The following MARCHF4 variants were observed in gnomAD, a reference collection of about 807,000 sequenced individuals.
MARCHF4 encodes E3 ubiquitin-protein ligase MARCHF4.
MARCHF4 carries 14 observed loss-of-function variants against 43.9 expected under a neutral mutation model. The ratio of observed to expected loss-of-function variants is 0.32; its 90% CI spans 0.21 to 0.50. The LOEUF is 0.50. Among genes scored for constraint, MARCHF4 ranks in the 20% least tolerant of loss-of-function variants. The pLI is 0.98. For missense variants in MARCHF4, 468 were observed against 536.7 expected (o/e 0.87, Z 1.27); for synonymous variants, 226 against 213.3 (o/e 1.06, Z -0.52).
At position 216,258,344 on chromosome 2, in the gene MARCHF4, T is replaced by A. The variant is rs1426320741; in HGVS notation, c.*968A>T. 3 of 152,544 alleles carry A rather than the reference T, an allele frequency of 2.0e-5. No individual in the cohort carries two copies. The East Asian group carries it at 5.8e-4, about 29-fold the overall frequency. The allele number at this position is 152,544 out of a possible 1,614,324, so 9.4% of individuals were successfully genotyped here. On this transcript the variant is annotated 3_prime_UTR_variant, in exon 4 of 4. Coordinates refer to ENST00000273067, the MANE Select transcript of MARCHF4 (RefSeq NM_020814.3). The stretch of plus-strand genomic sequence containing the variant: ...CCCTACCGTGAGGGGACTGGGTCTG[T>A]GCATGTGCCAAGACAAGAAGGGGCT...
chr2:216,342,986 A>G (rs960892083), intron 1 of MARCHF4, among the ~76,000 whole-genome samples: 2 of 152,148 alleles, frequency 1.3e-5, no homozygotes, highest in African/African-American at 4.8e-5. Context: ...CTGAGGAAGA[A>G]GCATGGGGAC....
intron 1 of MARCHF4, among the ~76,000 whole-genome samples, chr2:216,293,358 A>C (rs1396514940): frequency 6.6e-6 from 1 of 152,200 alleles, no homozygotes; most frequent in African/African-American, 2.4e-5. Context: ...AGATAATTTG[A>C]TTAAAAAAAG....
In MARCHF4 at chr2:216,259,560, C is replaced by G. The variant is rs1400485049; in HGVS notation, c.985G>C (p.Gly329Arg). The change falls in exon 4 of 4, where the codon GGA becomes CGA. Residue 329 changes from glycine to arginine, a missense_variant. Coordinates refer to ENST00000273067, the MANE Select transcript of MARCHF4 (RefSeq NM_020814.3). ...KTKDLEDQKA[G>R]GRTNPRTSSS... ...GAGGTCCGGGGGTTGGTCCTGCCTCCTGCCTTTTGATCCTCCAGGTCTTTT... is the reference window on the plus strand; with the variant it reads ...GAGGTCCGGGGGTTGGTCCTGCCTCGTGCCTTTTGATCCTCCAGGTCTTTT... The G allele has an allele frequency of 5.0e-6, 8 of 1,614,200 alleles. No homozygotes were observed. Among genetic ancestry groups the G allele is most frequent in the Non-Finnish European group, 6.8e-6 (8 of 1,180,022 alleles).
In MARCHF4 at chr2:216,354,967, CTTTCTTT is replaced by C. The variant is rs1559106703; in HGVS notation, c.516+14771_516+14777del. ...TCTTTCTTTCTTTCTTTCTTTCTTT[CTTTCTTT>C]CTTTCTTTCTTTTTTGAGACAGAGT... On this transcript the variant is annotated intron_variant, in intron 1 of 3. Coordinates refer to ENST00000273067, the MANE Select transcript of MARCHF4 (RefSeq NM_020814.3). Among the ~76,000 whole-genome samples the C allele has an allele frequency of 2.5e-5, 3 of 121,580 alleles. No individual in the cohort carries two copies. The East Asian group carries it at 7.6e-4, about 31-fold the overall frequency. The allele number at this position is 121,580 out of a possible 152,430, so 79.8% of individuals were successfully genotyped here.
chr2:216,303,142 T>C (rs949320375), intron 1 of MARCHF4, among the ~76,000 whole-genome samples: 2 of 152,128 alleles, frequency 1.3e-5, no homozygotes, highest in African/African-American at 2.4e-5. Context: ...ATGCACAGTG[T>C]TCTCTCCAAA....
At chr2:216,265,125 C>T (rs894123750) in intron 3 of MARCHF4, among the ~76,000 whole-genome samples, 4 of 151,942 alleles carry the variant, frequency 2.6e-5, no homozygotes, top group East Asian at 3.9e-4. Flanking sequence ...AGACTGGATT[C>T]GATTGGGAAG....
intron 1 of MARCHF4, among the ~76,000 whole-genome samples, chr2:216,349,356 C>T (rs1044677163): frequency 5.3e-5 from 8 of 152,256 alleles, no homozygotes; most frequent in Non-Finnish European, 1.2e-4. Flanking sequence ...TAATTGGCTT[C>T]GATTGTGGTA....
chr2:216,345,360 T>A lies in MARCHF4; in HGVS notation c.516+24385A>T, dbSNP rs181758439. ...TTATACCCTGATTTTTTTTTTTTTT[T>A]AAGAATCTTGCCTCGAGGCTTTCCA... is the stretch of plus-strand genomic sequence containing the variant. On this transcript the variant is annotated intron_variant, in intron 1 of 3. Transcript: ENST00000273067. Among the ~76,000 whole-genome samples, 405 of 151,104 alleles carry A rather than the reference T, an allele frequency of 2.7e-3. 4 individuals carry two copies. Among genetic ancestry groups the A allele is most frequent in the African/African-American group, 9.7e-3 (392 of 40,562 alleles).
Position 216,370,569 on chromosome 2 carries a change from G to T in MARCHF4, c.-309C>A. On this transcript the variant is annotated 5_prime_UTR_variant, in exon 1 of 4. Coordinates refer to ENST00000273067, the MANE Select transcript of MARCHF4 (RefSeq NM_020814.3). ...GCTTTTGACCTGAGGACACTGGTAG[G>T]AGCAGAGGGATTGAAGAAGCGTGGT... is the stretch of plus-strand genomic sequence containing the variant. The T allele has an allele frequency of 3.5e-6, 1 of 287,028 alleles. No individual in the cohort carries two copies. The highest frequency in any genetic ancestry group is 6.4e-6 in the Non-Finnish European group (1 of 155,236). 17.8% of individuals were successfully genotyped at this position (287,028 alleles called of 1,614,324 possible).
At chr2:216,345,955 G>A (rs896958211) in intron 1 of MARCHF4, among the ~76,000 whole-genome samples, 5 of 152,132 alleles carry the variant, frequency 3.3e-5, no homozygotes, top group Non-Finnish European at 7.3e-5. Flanking sequence ...AAGAGCTGAT[G>A]TCTGCTTTTC....
chr2:216,311,337 A>C (rs1197265286), intron 1 of MARCHF4, among the ~76,000 whole-genome samples: 1 of 152,046 alleles, frequency 6.6e-6, no homozygotes, highest in Non-Finnish European at 1.5e-5. Context: ...AGCTCACTGC[A>C]ACCTCCGCCT....
intron 2 of MARCHF4, among the ~76,000 whole-genome samples, chr2:216,282,875 T>C (rs1002812774): frequency 2.6e-4 from 40 of 152,342 alleles, no homozygotes; most frequent in Middle Eastern, 3.4e-3. Context: ...TATTCCCATT[T>C]TTCTCTGCCT....
intron 1 of MARCHF4, among the ~76,000 whole-genome samples, chr2:216,366,466 C>T (rs977491452): frequency 6.6e-6 from 1 of 152,164 alleles, no homozygotes; most frequent in African/African-American, 2.4e-5. Flanking sequence ...TAGGATGGAG[C>T]CAAGTAGGTT....
Position 216,369,812 on chromosome 2 carries a change from A to G in MARCHF4, c.449T>C (p.Leu150Pro), listed in dbSNP as rs748620001. 4.5e-5 allele frequency: 73 copies of G among 1,613,584 alleles called. No homozygotes were observed. The Admixed American group carries it at 7.2e-4, about 16-fold the overall frequency. Residue 150 changes from leucine to proline, a missense_variant, in exon 1 of 4, where the codon CTG becomes CCG. By Grantham distance (98) the Leu-to-Pro change is moderately conservative (BLOSUM62 -3). Transcript: ENST00000273067. ...CKEKTEDRYS[L>P]GSSLDSGMRT... ...CATACCACTGTCCAAGCTGCTGCCCAGTGAGTAGCGATCCTCGGTCTTCTC... is the reference window on the plus strand; with the variant it reads ...CATACCACTGTCCAAGCTGCTGCCCGGTGAGTAGCGATCCTCGGTCTTCTC...
Position 216,311,633 on chromosome 2 carries a change from T to A in MARCHF4, c.517-27904A>T, listed in dbSNP as rs188170600. On this transcript the variant is annotated intron_variant, in intron 1 of 3. Transcript: ENST00000273067. ...TTAATAGACAACCACAGTTTGAACATTTTTAGTAAAAATTTATAGAAATAA... is the reference window on the plus strand; with the variant it reads ...TTAATAGACAACCACAGTTTGAACAATTTTAGTAAAAATTTATAGAAATAA... Among the ~76,000 whole-genome samples the A allele has an allele frequency of 8.8e-3, 1,343 of 152,302 alleles. 16 individuals carry two copies. The highest frequency in any genetic ancestry group is 0.023 in the Admixed American group (351 of 15,286).
chr2:216,337,886 G>A (rs182722325), intron 1 of MARCHF4, among the ~76,000 whole-genome samples: 4 of 152,216 alleles, frequency 2.6e-5, no homozygotes, highest in African/African-American at 9.6e-5. Context: ...AAGGAGCAAA[G>A]GACACCAAAA....
At chr2:216,319,885 TG>T (rs1691851811) in intron 1 of MARCHF4, among the ~76,000 whole-genome samples, 2 of 152,164 alleles carry the variant, frequency 1.3e-5, no homozygotes, top group African/African-American at 4.8e-5. Context: ...CTGCTTGGCC[TG>T]CCCTCACAAA....
intron 1 of MARCHF4, among the ~76,000 whole-genome samples, chr2:216,364,703 A>ATATCTGTTTTGGGGATGATATGGAC (rs1488147734): frequency 1.4e-4 from 22 of 152,218 alleles, no homozygotes; most frequent in African/African-American, 5.3e-4. Context: ...GAGCTTGGAC[A>ATATCTGTTTTGGGGATGATATGGAC]AGCCAGCAGG....
chr2:216,284,644 T>C (rs1015061021), intron 1 of MARCHF4, among the ~76,000 whole-genome samples: 1 of 152,166 alleles, frequency 6.6e-6, no homozygotes, highest in Non-Finnish European at 1.5e-5. Context: ...TTTTTATTTT[T>C]TTTGTGAGAT....
Sources: allele counts gnomAD v4.1 joint callset (sites outside exome capture counted in the v4.1 genomes callset), GRCh38; gene constraint gnomAD v4.1.1; transcripts MANE v1.5; gene names NCBI Gene and HGNC (gene_info 2026-07-23, HGNC 2026-07-21).